NUP98: variants seen among roughly 807,000 people sequenced by gnomAD.
The protein encoded by NUP98 is nucleoporin 98 and 96 precursor.
A neutral mutation model predicts 191.9 loss-of-function variants in NUP98; 26 were observed. The observed-to-expected ratio is 0.14, with a 90% CI of 0.10 to 0.19. The LOEUF (loss-of-function observed/expected upper bound fraction) is 0.19, where lower values mean the gene tolerates loss of function less well. Ranked by LOEUF, NUP98 falls within the 10% of genes least tolerant of loss-of-function variation. NUP98 has a pLI of 1.00. For missense variants in NUP98, 1,941 were observed against 2,178.8 expected (o/e 0.89, Z 2.17); for synonymous variants, 808 against 778.4 (o/e 1.04, Z -0.63).
chr11:3,758,234 T>A (rs1361748922), intron 10 of NUP98, among the ~76,000 whole-genome samples: 1 of 150,074 alleles, frequency 6.7e-6, no homozygotes, highest in Admixed American at 6.7e-5. Context: ...GGCAGGAGAA[T>A]GGCGTGAACC....
intron 13 of NUP98, among the ~76,000 whole-genome samples, chr11:3,733,079 A>T (rs762766406): frequency 6.6e-6 from 1 of 152,252 alleles, no homozygotes; most frequent in Admixed American, 6.5e-5. Flanking sequence ...TCACCGTTTT[A>T]ACGCATCTAC....
At chr11:3,702,309 ACACACTCTCT>A (rs1376722445) in intron 23 of NUP98, among the ~76,000 whole-genome samples, 144 bp downstream of exon 23, 108 of 53,728 alleles carry the variant, frequency 2.0e-3, no homozygotes, top group Middle Eastern at 6.4e-3. Flanking sequence ...ACACACACAC[ACACACTCTCT>A]CTCTCTCTCT....
chr11:3,716,570 G>A (rs944201084), intron 18 of NUP98, among the ~76,000 whole-genome samples: 2 of 152,028 alleles, frequency 1.3e-5, no homozygotes, highest in South Asian at 2.1e-4. Context: ...TTAGCCGGGC[G>A]TGGTGGTGCA....
chr11:3,746,294 A>AAAAAAAAAAAAAAAAG (rs144936005), intron 11 of NUP98, among the ~76,000 whole-genome samples: 4 of 93,102 alleles, frequency 4.3e-5, no homozygotes, highest in African/African-American at 2.0e-4. Flanking sequence ...AAAAAAAAAA[A>AAAAAAAAAAAAAAAAG]GACAGCTTTG....
intron 11 of NUP98, among the ~76,000 whole-genome samples, chr11:3,750,623 GTTTTT>G (rs199629209): frequency 6.7e-6 from 1 of 148,402 alleles, no homozygotes; most frequent in Admixed American, 6.8e-5. Flanking sequence ...CATTTTAAAT[GTTTTT>G]TTTTTGTTTT....
chr11:3,783,397 T>C (rs1374904035), intron 1 of NUP98, among the ~76,000 whole-genome samples: 1 of 151,346 alleles, frequency 6.6e-6, no homozygotes, highest in Non-Finnish European at 1.5e-5. Flanking sequence ...CAAAAACAAA[T>C]AAAAAAAACT....
intron 9 of NUP98, 149 bp from the exon 10 acceptor site, chr11:3,760,775 A>T (rs552660479): frequency 1.7e-6 from 1 of 598,520 alleles, no homozygotes; most frequent in South Asian, 2.5e-5. Flanking sequence ...AGATGAATAA[A>T]GGCTATCAAA....
At chr11:3,753,254 G>A (rs1401859544) in intron 11 of NUP98, 62 bp downstream of exon 11, 10 of 1,361,794 alleles carry the variant, frequency 7.3e-6, no homozygotes, top group Non-Finnish European at 2.1e-6. Context: ...GATCTCTCAA[G>A]TTCCAGAAAC....
At chr11:3,761,457 A>G (rs890969995) in intron 9 of NUP98, among the ~76,000 whole-genome samples, 9 of 152,066 alleles carry the variant, frequency 5.9e-5, no homozygotes, top group African/African-American at 2.2e-4. Context: ...TCCCACCTCT[A>G]CTAAAAAATA....
At chr11:3,702,311 A>ACT (rs2078716567) in intron 23 of NUP98, 152 bp downstream of exon 23, 159 of 423,982 alleles carry the variant, frequency 3.8e-4, no homozygotes, top group Admixed American at 7.2e-4. Context: ...ACACACACAC[A>ACT]CACTCTCTCT....
At chr11:3,756,398 A>G (rs1366575384) in intron 10 of NUP98, among the ~76,000 whole-genome samples, 1 of 152,206 alleles carries the variant, frequency 6.6e-6, no homozygotes, top group Non-Finnish European at 1.5e-5. Context: ...CAACTCAGAT[A>G]AAGATGACAC....
intron 13 of NUP98, among the ~76,000 whole-genome samples, chr11:3,733,319 TTTTTG>T (rs2079916098): frequency 6.6e-6 from 1 of 152,228 alleles, no homozygotes; most frequent in African/African-American, 2.4e-5. Flanking sequence ...GTTTTCTTTC[TTTTTG>T]TTTTGAGACG....
intron 20 of NUP98, 168 bp downstream of exon 20, chr11:3,712,396 T>C (rs2079046028): frequency 1.4e-6 from 2 of 1,403,372 alleles, no homozygotes; most frequent in Admixed American, 3.1e-5. Context: ...AAAAGACAGA[T>C]GCCTGCAAGA....
rs183591958 is a variant in NUP98 at position 3,714,236 on chromosome 11, A to T, written c.2400-241T>A. Among the ~76,000 whole-genome samples the T allele has an allele frequency of 2.8e-4, 42 of 152,200 alleles. 1 individual carries two copies. Among genetic ancestry groups the T allele is most frequent in the Non-Finnish European group, 4.4e-4 (30 of 68,042 alleles). ...GCATTTATTTAAATTACCATGGTAC[A>T]TCAATTATTTCCAATCTCATTTTCA... On this transcript the variant is annotated intron_variant, in intron 18 of 32. Coordinates refer to ENST00000324932, the MANE Select transcript of NUP98 (RefSeq NM_016320.5).
At chr11:3,680,737 G>A (rs944849928) in intron 30 of NUP98, among the ~76,000 whole-genome samples, 2 of 151,986 alleles carry the variant, frequency 1.3e-5, no homozygotes, top group African/African-American at 4.8e-5. Context: ...TGGTACAGAT[G>A]GGGTTTCACC....
intron 7 of NUP98, among the ~76,000 whole-genome samples, chr11:3,770,423 A>C (rs924162425): frequency 6.6e-6 from 1 of 152,132 alleles, no homozygotes; most frequent in African/African-American, 2.4e-5. Flanking sequence ...GGCTGTAGTG[A>C]GCCCTGATCA....
rs1336068898 is a variant in NUP98 at position 3,706,573 on chromosome 11, T to A, written c.2797A>T (p.Met933Leu). The A allele has an allele frequency of 6.2e-7, 1 of 1,614,156 alleles. No individual in the cohort carries two copies. The highest frequency in any genetic ancestry group is 8.5e-7 in the Non-Finnish European group (1 of 1,180,018). ...LGRVVELDSD[M>L]VDITQEPVLD... ...ACTGGCTCCTGGGTGATATCTACCA[T>A]GTCACTGTCCAGTTCCACAACCCTC... Residue 933 changes from methionine to leucine, a missense_variant, in exon 21 of 33, where the codon ATG becomes TTG. Physicochemically the swap from Met to Leu is conservative, Grantham distance 15. Around this residue, in one of 6 missense-constraint regions of NUP98, gnomAD observed 1,030 missense variants for 1,115.8 expected, o/e 0.92. Coordinates refer to ENST00000324932, the MANE Select transcript of NUP98 (RefSeq NM_016320.5).
At position 3,768,758 on chromosome 11, in the gene NUP98, G is replaced by GA. The variant is rs532906589; in HGVS notation, c.785-15dup. 4,998 of 776,108 alleles carry GA rather than the reference G, an allele frequency of 6.4e-3. 1 individual carries two copies. The highest frequency in any genetic ancestry group is 0.011 in the South Asian group (265 of 23,494). The allele number at this position is 776,108 out of a possible 1,614,324, so 48.1% of individuals were successfully genotyped here. A position where few individuals can be genotyped will look rare whatever the true frequency, so the allele number is the denominator to read the frequency against. On this transcript the variant is annotated splice_polypyrimidine_tract_variant and intron_variant, in intron 7 of 32. Transcript: ENST00000324932. ...ATCCAGTTGTACCTTTTAGGAAAAA[G>GA]AAAAAAAAAAGAAAAAAGAAATAAT... is the stretch of plus-strand genomic sequence containing the variant.
chr11:3,753,165 T>A, intron 11 of NUP98, 151 bp downstream of exon 11: 2 of 679,616 alleles, frequency 2.9e-6, no homozygotes, highest in Non-Finnish European at 5.2e-6. Flanking sequence ...TGGTAAAGCA[T>A]AACTGCTGGG....
Sources: allele counts gnomAD v4.1 joint callset (sites outside exome capture counted in the v4.1 genomes callset), GRCh38; gene constraint gnomAD v4.1.1; regional missense constraint gnomAD v4.1.1; transcripts MANE v1.5; gene names NCBI Gene and HGNC (gene_info 2026-07-23, HGNC 2026-07-21).